PDXDC1: variants seen among roughly 807,000 people sequenced by gnomAD.
PDXDC1 encodes the protein pyridoxal dependent decarboxylase domain containing 1.
A neutral mutation model predicts 100.1 loss-of-function variants in PDXDC1; 42 were observed. That is an observed-to-expected ratio of 0.42 (90% CI 0.33 to 0.54). The LOEUF is 0.54. Ranked by LOEUF, PDXDC1 falls within the 20% of genes least tolerant of loss-of-function variation. PDXDC1 has a pLI of 0.10. For missense variants in PDXDC1, 636 were observed against 979.2 expected, an observed-to-expected ratio of 0.65 and a Z score of 4.68; for synonymous variants, 260 against 371.7, an observed-to-expected ratio of 0.70 and a Z score of 3.46.
At chr16:15,070,291 C>T (rs746611331) in intron 16 of PDXDC1, 2 of 1,606,046 alleles carry the variant, frequency 1.2e-6, no homozygotes, top group African/African-American at 2.7e-5. Flanking sequence ...CTTTACACAT[C>T]ATAAAAAAAC....
intron 19 of PDXDC1, 52 bp downstream of exon 19, chr16:15,033,451 ACAG>A (rs2043191280): frequency 6.3e-7 from 1 of 1,593,232 alleles, no homozygotes; most frequent in African/African-American, 1.3e-5. Context: ...GTCCCACCAA[ACAG>A]CAGGGGCCAC....
the PDXDC1 span, among the ~76,000 whole-genome samples, chr16:15,150,011 T>C: frequency 8.6e-5 from 13 of 151,364 alleles, no homozygotes; most frequent in South Asian, 2.7e-3. Flanking sequence ...TTCAACAAAT[T>C]GCACAAGGAA....
chr16:15,019,757 C>T (rs967992566), intron 12 of PDXDC1, among the ~76,000 whole-genome samples: 4 of 152,256 alleles, frequency 2.6e-5, no homozygotes, highest in East Asian at 3.8e-4. Flanking sequence ...AACTCATTTG[C>T]GATTAGGTTT....
chr16:15,091,296 C>T (rs1194105699), intron 16 of PDXDC1: 1 of 1,603,064 alleles, frequency 6.2e-7, no homozygotes, highest in East Asian at 2.2e-5. Flanking sequence ...TGCTAATGAT[C>T]AAACACAAAA....
intron 16 of PDXDC1, among the ~76,000 whole-genome samples, chr16:15,075,018 G>A (rs1199837020): frequency 6.6e-6 from 1 of 152,176 alleles, no homozygotes; most frequent in Non-Finnish European, 1.5e-5. Context: ...GGGAAGCAGA[G>A]GTGGGGGGAT....
chr16:15,053,039 CATT>C (rs1484709378), intron 16 of PDXDC1, among the ~76,000 whole-genome samples: 5 of 152,182 alleles, frequency 3.3e-5, no homozygotes, highest in African/African-American at 1.2e-4. Context: ...CACACTGTCT[CATT>C]AGTAGCCATG....
At position 15,034,566 on chromosome 16, in the gene PDXDC1, AGCCTCTTCCCAGGTCTT is replaced by A; in HGVS notation, c.2002+16_2002+32del. On this transcript the variant is annotated intron_variant, in intron 21 of 22. Transcript: ENST00000396410. ...AACTTGACAGCAGGTAGGACGGCAT[AGCCTCTTCCCAGGTCTT>A]GCTGACCTTGGGAGGTTTCACCAAA... 6.3e-7 allele frequency: 1 copy of A among 1,593,560 alleles called. No individual in the cohort carries two copies. The highest frequency in any genetic ancestry group is 8.6e-7 in the Non-Finnish European group (1 of 1,161,836).
At chr16:15,119,404 A>T (rs1421976278) in intron 16 of PDXDC1, among the ~76,000 whole-genome samples, 1 of 149,096 alleles carries the variant, frequency 6.7e-6, no homozygotes, top group East Asian at 1.9e-4. Flanking sequence ...TCTAAAAAAA[A>T]AAAATTTTTT....
the PDXDC1 span, among the ~76,000 whole-genome samples, chr16:15,151,892 T>C: frequency 2.6e-3 from 342 of 129,150 alleles, 2 homozygotes; most frequent in Middle Eastern, 8.6e-3. Flanking sequence ...GATCGTGCCG[T>C]TGCACTCCAG....
intron 17 of PDXDC1, chr16:15,032,244 G>C (rs536500875): frequency 1.4e-5 from 4 of 282,866 alleles, no homozygotes; most frequent in African/African-American, 4.2e-5. Context: ...AAAGAACCCA[G>C]CTCTCGGGGA....
intron 16 of PDXDC1, among the ~76,000 whole-genome samples, chr16:15,077,409 G>C (rs1024425411): frequency 2.6e-5 from 4 of 152,036 alleles, no homozygotes; most frequent in Non-Finnish European, 5.9e-5. Context: ...TAAGTCTCAA[G>C]AGATCTGATG....
chr16:15,032,465 A>T (rs2043123027), intron 17 of PDXDC1: 1 of 175,958 alleles, frequency 5.7e-6, no homozygotes, highest in African/African-American at 2.4e-5. Flanking sequence ...TCCAGCCTGG[A>T]CAACATGGCG....
intron 16 of PDXDC1, chr16:15,138,459 G>A: frequency 1.4e-5 from 2 of 143,724 alleles, no homozygotes; most frequent in South Asian, 8.4e-5. Context: ...AGACGTCTCT[G>A]AGGAGTGAGT....
At chr16:15,140,515 C>T (rs1348639835), downstream of PDXDC1, among the ~76,000 whole-genome samples, 1 of 151,244 alleles carries the variant, frequency 6.6e-6, no homozygotes, top group African/African-American at 2.4e-5. Flanking sequence ...AGAGAAAACT[C>T]CAAAAACAAA....
intron 6 of PDXDC1, among the ~76,000 whole-genome samples, chr16:15,008,568 C>A (rs1369257171): frequency 1.3e-5 from 2 of 151,712 alleles, no homozygotes; most frequent in East Asian, 3.9e-4. Flanking sequence ...ACATTATATC[C>A]TCTTATAAGG....
chr16:15,078,633 A>G (rs2045563524), intron 16 of PDXDC1, among the ~76,000 whole-genome samples: 2 of 151,882 alleles, frequency 1.3e-5, no homozygotes, highest in African/African-American at 2.4e-5. Context: ...GGTTTTCCCC[A>G]TACTTCTGAT....
intron 16 of PDXDC1, among the ~76,000 whole-genome samples, chr16:15,117,528 AC>A (rs1357637414): frequency 4.6e-5 from 7 of 151,632 alleles, no homozygotes; most frequent in Admixed American, 2.6e-4. Context: ...GTGGTGGTCT[AC>A]TAAAAATACA....
chr16:15,128,460 T>G, intron 16 of PDXDC1: 1 of 884,938 alleles, frequency 1.1e-6, no homozygotes, highest in Non-Finnish European at 1.8e-6. Flanking sequence ...AGGCAAGTCA[T>G]CTCAGCTTTG....
At chr16:15,077,015 T>C (rs1480365460) in intron 16 of PDXDC1, among the ~76,000 whole-genome samples, 2 of 151,688 alleles carry the variant, frequency 1.3e-5, no homozygotes, top group African/African-American at 2.4e-5. Context: ...GTTTTGCTCT[T>C]GTTGCCCAGG....
Sources: gnomAD v4.1 joint callset for allele counts (sites outside exome capture counted in the v4.1 genomes callset) on GRCh38, gnomAD v4.1.1 for gene constraint, MANE v1.5 for transcripts, NCBI Gene and HGNC (gene_info 2026-07-23, HGNC 2026-07-21) for gene names.